Variants in PCLO observed in about 807,000 individuals in gnomAD.
PCLO encodes the protein protein piccolo.
A neutral mutation model predicts 427.5 loss-of-function variants in PCLO; 82 were observed. That is an observed-to-expected ratio of 0.19 (90% confidence interval 0.16 to 0.23). The LOEUF (loss-of-function observed/expected upper bound fraction) is 0.23, where lower values mean the gene tolerates loss of function less well. Among genes scored for constraint, PCLO ranks in the 10% least tolerant of loss-of-function variants. The pLI, the probability that PCLO is intolerant of heterozygous loss-of-function variation, is 1.00. For synonymous variants in PCLO, 2,357 were observed against 2,155.4 expected (o/e 1.09, Z -2.59); for missense variants, 6,239 against 6,115.9 (o/e 1.02, Z -0.67).
chr7:82,877,731 T>C (rs867470874), intron 10 of PCLO, among the ~76,000 whole-genome samples: 1 of 152,174 alleles, frequency 6.6e-6, no homozygotes, highest in African/African-American at 2.4e-5. Context: ...AGTGGCATGA[T>C]CTTGGCTTAC....
intron 22 of PCLO, among the ~76,000 whole-genome samples, chr7:82,772,387 T>A (rs894346186): frequency 6.6e-6 from 1 of 152,168 alleles, no homozygotes; most frequent in Non-Finnish European, 1.5e-5. Context: ...GCCTCTATTA[T>A]TGAAAGCTAT....
chr7:82,901,204 A>G (rs1794030505), intron 9 of PCLO, among the ~76,000 whole-genome samples: 1 of 151,898 alleles, frequency 6.6e-6, no homozygotes, highest in Non-Finnish European at 1.5e-5. Context: ...CATGTCATCA[A>G]TGTCTTTTAT....
At position 83,037,989 on chromosome 7, in the gene PCLO, TTATATATATATATA is replaced by T. The variant is rs1161030427; in HGVS notation, c.3301-71516_3301-71503del. Among the ~76,000 whole-genome samples the T allele has an allele frequency of 8.5e-3, 115 of 13,588 alleles. 6 individuals are homozygous for T. The highest frequency in any genetic ancestry group is 0.021 in the African/African-American group (79 of 3,694). The allele number at this position is 13,588 out of a possible 152,430, so 8.9% of individuals were successfully genotyped here. On this transcript the variant is annotated intron_variant, in intron 3 of 24. Transcript: ENST00000333891. ...GTTGTGTGGAGGTGTAAGGAGGAGC[TTATATATATATATA>T]TATATATATATATATATATATATAT... is the stretch of plus-strand genomic sequence containing the variant.
intron 8 of PCLO, among the ~76,000 whole-genome samples, chr7:82,908,588 T>A (rs1794247478): frequency 6.6e-6 from 1 of 152,100 alleles, no homozygotes; most frequent in Non-Finnish European, 1.5e-5. Flanking sequence ...CTCTCAGAGC[T>A]CCATCTATTC....
At chr7:83,068,223 G>A (rs567686417) in intron 3 of PCLO, among the ~76,000 whole-genome samples, 131 of 152,206 alleles carry the variant, frequency 8.6e-4, no homozygotes, top group South Asian at 1.7e-3. Flanking sequence ...ACAAAAGAAA[G>A]ATAAGAATGA....
Position 83,121,036 on chromosome 7 carries a change from C to G in PCLO, c.3300+13214G>C, listed in dbSNP as rs374112639. Among the ~76,000 whole-genome samples the G allele has an allele frequency of 5.5e-3, 833 of 152,198 alleles. 5 individuals carry two copies. The highest frequency in any genetic ancestry group is 0.014 in the Middle Eastern group (4 of 294). On this transcript the variant is annotated intron_variant, in intron 3 of 24. Coordinates refer to ENST00000333891, the MANE Select transcript of PCLO (RefSeq NM_033026.6). ...AACTATAAAAACTTTTGTATCCCAG[C>G]ACTTTGGGAGGCCGAGGTGGGCAGA...
chr7:83,077,883 C>A (rs1336478161), intron 3 of PCLO, among the ~76,000 whole-genome samples: 2 of 152,012 alleles, frequency 1.3e-5, no homozygotes, highest in Non-Finnish European at 2.9e-5. Flanking sequence ...CAAGTTAGAA[C>A]AGGTAAGTCT....
intron 14 of PCLO, among the ~76,000 whole-genome samples, 198 bp from the exon 15 acceptor site, chr7:82,838,540 T>C (rs2115761440): frequency 6.6e-6 from 1 of 152,070 alleles, no homozygotes; most frequent in Non-Finnish European, 1.5e-5. Flanking sequence ...CTAGCAAACA[T>C]GCTGTTCATT....
At chr7:83,038,025 A>ATATATTTATATTTATATT (rs1402012512) in intron 3 of PCLO, among the ~76,000 whole-genome samples, 1 of 49,098 alleles carries the variant, frequency 2.0e-5, no homozygotes, top group African/African-American at 1.5e-4. Flanking sequence ...ATATATATAT[A>ATATATTTATATTTATATT]TATATTTATA....
intron 9 of PCLO, among the ~76,000 whole-genome samples, chr7:82,889,170 AC>A (rs1219155925): frequency 6.6e-6 from 1 of 151,624 alleles, no homozygotes; most frequent in Non-Finnish European, 1.5e-5. Context: ...CCCCAGCACA[AC>A]CCCCGTGTGG....
intron 10 of PCLO, among the ~76,000 whole-genome samples, chr7:82,864,497 CTTAA>C (rs952855630): frequency 2.6e-5 from 4 of 151,962 alleles, no homozygotes; most frequent in Non-Finnish European, 4.4e-5. Context: ...TTTATTTGGA[CTTAA>C]TTAATTTTCT....
At chr7:82,762,905 G>A (rs921277664) in intron 22 of PCLO, among the ~76,000 whole-genome samples, 2 of 151,900 alleles carry the variant, frequency 1.3e-5, no homozygotes, top group East Asian at 3.9e-4. Context: ...GCCTTACAAA[G>A]TGCTGGGATT....
intron 22 of PCLO, among the ~76,000 whole-genome samples, chr7:82,798,377 CGTTT>C (rs996628437): frequency 2.0e-5 from 3 of 152,108 alleles, no homozygotes; most frequent in African/African-American, 4.8e-5. Context: ...TGAATTGACT[CGTTT>C]GTTTTTGTTC....
intron 22 of PCLO, among the ~76,000 whole-genome samples, chr7:82,789,370 T>G (rs186991448): frequency 6.6e-6 from 1 of 152,278 alleles, no homozygotes; most frequent in Admixed American, 6.5e-5. Context: ...GTCTTCCATA[T>G]TTGAAACAAC....
intron 3 of PCLO, among the ~76,000 whole-genome samples, chr7:83,050,221 A>AAAAAAAAAAAACAAAAAC (rs1554385550): frequency 9.6e-5 from 9 of 93,880 alleles, no homozygotes; most frequent in Non-Finnish European, 1.8e-4. Flanking sequence ...AAAAAAAAAA[A>AAAAAAAAAAAACAAAAAC]AAAAAAAAAA....
chr7:82,815,422 T>A (rs2051791), intron 20 of PCLO, among the ~76,000 whole-genome samples: 2 of 151,826 alleles, frequency 1.3e-5, no homozygotes, highest in African/African-American at 4.8e-5. Flanking sequence ...AAAAACTACA[T>A]AATAGACCTA....
chr7:83,074,631 C>T (rs542794936), intron 3 of PCLO, among the ~76,000 whole-genome samples: 9 of 152,070 alleles, frequency 5.9e-5, no homozygotes, highest in Non-Finnish European at 1.2e-4. Context: ...TTATTTTACA[C>T]GTTCAGTGGT....
chr7:82,761,318 A>C (rs1181106759), intron 23 of PCLO, 41 bp downstream of exon 23: 4 of 1,201,464 alleles, frequency 3.3e-6, no homozygotes, highest in Non-Finnish European at 4.6e-6. Flanking sequence ...ACATCCCTAA[A>C]AAAATCTAGA....
At chr7:83,122,222 C>A (rs1300524551) in intron 3 of PCLO, among the ~76,000 whole-genome samples, 1 of 150,522 alleles carries the variant, frequency 6.6e-6, no homozygotes, top group Non-Finnish European at 1.5e-5. Flanking sequence ...AAATTAAAAT[C>A]CTTTCCTCTA....
Sources: gnomAD v4.1 joint callset for allele counts (sites outside exome capture counted in the v4.1 genomes callset) on GRCh38, gnomAD v4.1.1 for gene constraint, MANE v1.5 for transcripts, NCBI Gene and HGNC (gene_info 2026-07-23, HGNC 2026-07-21) for gene names.